Variants in USP31 observed in about 807,000 individuals in gnomAD.
USP31 encodes the protein ubiquitin specific peptidase 31, also known as ubiquitin carboxyl-terminal hydrolase 31.
USP31 carries 44 observed loss-of-function variants against 119.4 expected under a neutral mutation model. The ratio of observed to expected loss-of-function variants is 0.37; its 90% CI spans 0.29 to 0.47. The LOEUF (loss-of-function observed/expected upper bound fraction) is 0.47. Ranked by LOEUF, USP31 falls within the 20% of genes least tolerant of loss-of-function variation. The probability of loss-of-function intolerance (pLI) is 0.99; values close to 1 mark genes in which losing one functional copy is unlikely to be tolerated. For synonymous variants in USP31, 749 were observed against 705.6 expected, an observed-to-expected ratio of 1.06 and a Z score of -0.97; for missense variants, 1,643 against 1,730.2, an observed-to-expected ratio of 0.95 and a Z score of 0.89.
chr16:23,084,174 A>G (rs1314004784), intron 11 of USP31, among the ~76,000 whole-genome samples: 3 of 152,224 alleles, frequency 2.0e-5, no homozygotes, highest in Non-Finnish European at 2.9e-5. Flanking sequence ...CTAGATATCA[A>G]TGCAAGGTTA....
rs1359113926 is a variant in USP31 at position 23,148,941 on chromosome 16, C to A, written c.330G>T (p.Pro110=). Residue 110 remains proline (P), a synonymous_variant, in exon 1 of 16, where the codon CCG becomes CCT. Transcript: ENST00000219689. ...AAGCGGGCGGCGCGGGAGAGGCGGG[C>A]GGCGGCGGGCACGGCGGCGGCGTGG... ...AAPTPPPCPP[P]PASPAPPACA... 5.4e-6 allele frequency: 6 copies of A among 1,120,758 alleles called. No homozygotes were observed. The highest frequency in any genetic ancestry group is 7.4e-4 in the Middle Eastern group (2 of 2,718). The allele number at this position is 1,120,758 out of a possible 1,614,324, so 69.4% of individuals were successfully genotyped here.
chr16:23,066,341 T>A lies in USP31; in HGVS notation c.*1705A>T, dbSNP rs1166976331. On this transcript the variant is annotated 3_prime_UTR_variant, in exon 16 of 16. Transcript: ENST00000219689. ...TCCAGACTTGCAAGTTACCGGCTAA[T>A]GCGCAAATTAGCAGCAAAATAAAGT... 1 of 152,540 alleles carries A rather than the reference T, an allele frequency of 6.6e-6. No individual in the cohort carries two copies. The highest frequency in any genetic ancestry group is 1.9e-4 in the East Asian group (1 of 5,192). The allele number at this position is 152,540 out of a possible 1,614,324, so 9.4% of individuals were successfully genotyped here.
At position 23,085,003 on chromosome 16, in the gene USP31, GA is replaced by G. The variant is rs775207360; in HGVS notation, c.1701-15del. ...TTTACAAATAAGCTGCAATTAGGGG[GA>G]AAAGCATCTATCAGGGAATGTCTTG... is the stretch of plus-strand genomic sequence containing the variant. On this transcript the variant is annotated splice_polypyrimidine_tract_variant and intron_variant, in intron 10 of 15. Transcript: ENST00000219689. 2 of 1,612,896 alleles carry G rather than the reference GA, an allele frequency of 1.2e-6. No homozygotes were observed. Among genetic ancestry groups the G allele is most frequent in the Non-Finnish European group, 1.7e-6 (2 of 1,179,474 alleles).
chr16:23,118,371 T>C (rs1354017431), intron 1 of USP31, among the ~76,000 whole-genome samples: 1 of 152,200 alleles, frequency 6.6e-6, no homozygotes, highest in African/African-American at 2.4e-5. Flanking sequence ...TTCTCAATCC[T>C]GGCTGCACAT....
intron 1 of USP31, among the ~76,000 whole-genome samples, chr16:23,124,357 G>C (rs191172942): frequency 1.5e-3 from 225 of 152,292 alleles, no homozygotes; most frequent in Middle Eastern, 3.4e-3. Context: ...GTAAGGATCT[G>C]ATGTTCAAAT....
intron 1 of USP31, among the ~76,000 whole-genome samples, chr16:23,139,288 G>C (rs987168842): frequency 2.6e-5 from 4 of 152,144 alleles, no homozygotes; most frequent in Admixed American, 6.5e-5. Flanking sequence ...TGTAATCCCA[G>C]CTACTCAGGA....
At chr16:23,143,375 A>C (rs993501918) in intron 1 of USP31, among the ~76,000 whole-genome samples, 3 of 152,226 alleles carry the variant, frequency 2.0e-5, no homozygotes, top group Non-Finnish European at 4.4e-5. Context: ...CATTTGTAAG[A>C]ATCTGGGGCA....
intron 1 of USP31, among the ~76,000 whole-genome samples, chr16:23,139,823 A>G (rs1903301623): frequency 6.6e-6 from 1 of 152,198 alleles, no homozygotes; most frequent in South Asian, 2.1e-4. Flanking sequence ...CATGCTCCAC[A>G]AACCACTTCC....
intron 1 of USP31, chr16:23,115,924 A>T: frequency 1.8e-5 from 6 of 342,352 alleles, no homozygotes; most frequent in Non-Finnish European, 2.5e-5. Context: ...CCTAGTAAAG[A>T]GGTCGAAGCA....
At chr16:23,078,182 T>C (rs938314465) in intron 13 of USP31, among the ~76,000 whole-genome samples, 11 of 151,606 alleles carry the variant, frequency 7.3e-5, no homozygotes, top group Admixed American at 5.3e-4. Flanking sequence ...TGTGGTGGTG[T>C]GTGCCTGTAG....
At position 23,063,193 on chromosome 16, in the gene USP31, A is replaced by T. The variant is rs1368407329; in HGVS notation, c.*4853T>A. The stretch of plus-strand genomic sequence containing the variant: ...AGGAAAATACATGTGTGAGATTCAA[A>T]AAAGTCTCTCAAATTTGCTGTGCAC... On this transcript the variant is annotated 3_prime_UTR_variant, in exon 16 of 16. Coordinates refer to ENST00000219689, the MANE Select transcript of USP31 (RefSeq NM_020718.4). The T allele has an allele frequency of 2.6e-5, 4 of 152,198 alleles. No homozygotes were observed. The highest frequency in any genetic ancestry group is 1.3e-4 in the Admixed American group (2 of 15,280). 9.4% of individuals were successfully genotyped at this position (152,198 alleles called of 1,614,324 possible).
intron 1 of USP31, among the ~76,000 whole-genome samples, chr16:23,117,680 A>G (rs969971388): frequency 2.0e-5 from 3 of 152,204 alleles, no homozygotes; most frequent in African/African-American, 7.2e-5. Flanking sequence ...TATGCAGTAG[A>G]AAAAGAAAGA....
intron 1 of USP31, 122 bp from the exon 2 acceptor site, chr16:23,108,305 G>A (rs1048157388): frequency 3.7e-6 from 5 of 1,345,112 alleles, no homozygotes; most frequent in Non-Finnish European, 4.9e-6. Context: ...CTTCCCAGAA[G>A]GAGTGCAAAG....
intron 1 of USP31, among the ~76,000 whole-genome samples, chr16:23,147,211 C>T (rs1266702150): frequency 6.6e-6 from 1 of 152,152 alleles, no homozygotes; most frequent in African/African-American, 2.4e-5. Context: ...CAGGTTCAAG[C>T]AATTCTCCTG....
At chr16:23,077,411 C>T (rs910405384) in intron 13 of USP31, among the ~76,000 whole-genome samples, 6 of 152,298 alleles carry the variant, frequency 3.9e-5, no homozygotes, top group African/African-American at 9.6e-5. Context: ...TCCCCAACCC[C>T]GGCCCTCCTG....
At position 23,090,711 on chromosome 16, in the gene USP31, T is replaced by C. The variant is rs922782448; in HGVS notation, c.1328A>G (p.Lys443Arg). Residue 443 changes from lysine (K) to arginine (R), a missense_variant, in exon 7 of 16, where the codon AAA (lysine) becomes AGA (arginine). By Grantham distance (26) the Lys-to-Arg change is conservative. Coordinates refer to ENST00000219689, the MANE Select transcript of USP31 (RefSeq NM_020718.4). ...SPTQTAAKQG[K>R]MDSPTSRAGS... The stretch of plus-strand genomic sequence containing the variant: ...TGCTCTTGATGTGGGAGAATCCATT[T>C]TCCCCTGCTTTGCTGCTGTTTGTGT... 3 of 1,614,050 alleles carry C rather than the reference T, an allele frequency of 1.9e-6. No individual in the cohort carries two copies. Among genetic ancestry groups the C allele is most frequent in the Admixed American group, 1.7e-5 (1 of 60,000 alleles).
At chr16:23,091,885 C>T (rs1004281980) in intron 6 of USP31, among the ~76,000 whole-genome samples, 2 of 152,044 alleles carry the variant, frequency 1.3e-5, no homozygotes, top group African/African-American at 2.4e-5. Context: ...CCATTTTAAA[C>T]TCTGGTATGA....
chr16:23,085,476 T>A, intron 10 of USP31, 109 bp downstream of exon 10: 1 of 1,017,754 alleles, frequency 9.8e-7, no homozygotes, highest in South Asian at 1.5e-5. Context: ...GATACTTAGC[T>A]AAAGAGAAGA....
chr16:23,100,925 G>A (rs1901825538), intron 6 of USP31, among the ~76,000 whole-genome samples: 1 of 152,098 alleles, frequency 6.6e-6, no homozygotes, highest in African/African-American at 2.4e-5. Flanking sequence ...CTGAGAAACA[G>A]AGTAACCTGA....
Sources: allele counts gnomAD v4.1 joint callset (sites outside exome capture counted in the v4.1 genomes callset), GRCh38; gene constraint gnomAD v4.1.1; transcripts MANE v1.5; gene names NCBI Gene and HGNC (gene_info 2026-07-23, HGNC 2026-07-21).